Variants in STON1 observed in about 807,000 individuals in gnomAD.
STON1 encodes stonin 1, also known as stonin-1.
Under a neutral mutation model 60.9 loss-of-function variants are expected in STON1, and 79 were observed. The observed-to-expected ratio is 1.30, with a 90% CI of 1.08 to 1.56. The LOEUF is 1.56. Among genes scored for constraint, STON1 ranks in the 40% most tolerant of loss-of-function variants. STON1 has a pLI of 0.00. For missense variants in STON1, 1,166 were observed against 858.9 expected (o/e 1.36, Z -4.47); for synonymous variants, 363 against 306.9 (o/e 1.18, Z -1.91).
At chr2:48,546,597 A>G (rs148244483) in intron 1 of STON1, among the ~76,000 whole-genome samples, 271 of 152,364 alleles carry the variant, frequency 1.8e-3, no homozygotes, top group African/African-American at 6.3e-3. Context: ...CACATGAACA[A>G]AGTACTTCAG....
intron 1 of STON1, among the ~76,000 whole-genome samples, chr2:48,577,940 C>A (rs72824120): frequency 0.33 from 49,276 of 150,228 alleles, 8,127 homozygotes; most frequent in East Asian, 0.43. Context: ...AAACAAAAAA[C>A]CCCCCAGAGT....
At chr2:48,576,085 A>G (rs1233476351) in intron 1 of STON1, among the ~76,000 whole-genome samples, 1 of 149,844 alleles carries the variant, frequency 6.7e-6, no homozygotes, top group East Asian at 2.0e-4. Flanking sequence ...AGGGCCTTCC[A>G]TATTGTTCCC....
chr2:48,536,587 G>A lies in STON1; in HGVS notation c.-48+6371G>A, dbSNP rs117171759. Among the ~76,000 whole-genome samples, 119 of 149,578 alleles carry A rather than the reference G, an allele frequency of 8.0e-4. 2 individuals are homozygous for A. In the East Asian group the frequency reaches 0.021, roughly 26 times the overall value. On this transcript the variant is annotated intron_variant, in intron 1 of 3. Transcript: ENST00000404752. ...AAAAAAAAAAGTTAGAATAGTACCT[G>A]CTATATAAGGAAGAACGCAAAAATT...
chr2:48,559,105 C>T (rs1276280154), intron 1 of STON1, among the ~76,000 whole-genome samples: 4 of 152,142 alleles, frequency 2.6e-5, no homozygotes, highest in South Asian at 4.1e-4. Flanking sequence ...CACTTCTGGT[C>T]CCAAGCGTTT....
At chr2:48,570,217 C>A (rs902694523) in intron 1 of STON1, among the ~76,000 whole-genome samples, 1 of 152,140 alleles carries the variant, frequency 6.6e-6, no homozygotes, top group African/African-American at 2.4e-5. Flanking sequence ...CATCTGTAAT[C>A]TCAGCTACTC....
At chr2:48,549,159 T>C (rs1671987703) in intron 1 of STON1, among the ~76,000 whole-genome samples, 1 of 152,156 alleles carries the variant, frequency 6.6e-6, no homozygotes, top group Non-Finnish European at 1.5e-5. Flanking sequence ...CGGGAAACAA[T>C]CCCAGGCCTC....
intron 1 of STON1, among the ~76,000 whole-genome samples, chr2:48,568,336 G>A (rs1300693763): frequency 6.6e-6 from 1 of 152,132 alleles, no homozygotes; most frequent in Non-Finnish European, 1.5e-5. Context: ...CATATGACCT[G>A]GATTGCTGTT....
intron 1 of STON1, among the ~76,000 whole-genome samples, chr2:48,564,414 T>G (rs13034063): frequency 1.7e-3 from 115 of 69,620 alleles, no homozygotes; most frequent in African/African-American, 6.1e-3. Context: ...TGTCTTCTTC[T>G]TCTTCTTCTT....
At chr2:48,542,369 T>G (rs1161807335) in intron 1 of STON1, among the ~76,000 whole-genome samples, 2 of 152,218 alleles carry the variant, frequency 1.3e-5, no homozygotes, top group Admixed American at 1.3e-4. Flanking sequence ...GAATCTAAGC[T>G]TTGCCACTAA....
intron 1 of STON1, among the ~76,000 whole-genome samples, chr2:48,544,075 C>T (rs1322581594): frequency 2.0e-5 from 3 of 152,010 alleles, no homozygotes; most frequent in Non-Finnish European, 4.4e-5. Context: ...TTATCTGGGC[C>T]CTGTGGAATC....
chr2:48,582,209 C>G lies in STON1; in HGVS notation c.1576C>G (p.Leu526Val). Reference sequence around the variant, plus strand: ...CAAGACTTTGTATAATGGGGATAATCTTCCCTTTTCCTTGAAGTCTGTAGT... The same window carrying G: ...CAAGACTTTGTATAATGGGGATAATGTTCCCTTTTCCTTGAAGTCTGTAGT... ...RFKTLYNGDNLPFSLKSVVVV... is the reference protein window; with the variant it reads ...RFKTLYNGDNVPFSLKSVVVV... The change falls in exon 2 of 4, where the codon CTT (leucine) becomes GTT (valine). Residue 526 changes from leucine to valine, a missense_variant. Coordinates refer to ENST00000404752, the MANE Select transcript of STON1 (RefSeq NM_006873.4). The G allele has an allele frequency of 6.2e-7, 1 of 1,614,178 alleles. No homozygotes were observed. The highest frequency in any genetic ancestry group is 1.3e-5 in the African/African-American group (1 of 75,040).
intron 1 of STON1, among the ~76,000 whole-genome samples, chr2:48,572,956 C>T (rs551253030): frequency 4.6e-5 from 7 of 152,320 alleles, no homozygotes; most frequent in East Asian, 1.9e-4. Flanking sequence ...GGCTGCCCTC[C>T]GCTGTGTGTT....
chr2:48,589,206 C>G (rs1055899201), intron 2 of STON1, among the ~76,000 whole-genome samples: 1 of 152,160 alleles, frequency 6.6e-6, no homozygotes, highest in African/African-American at 2.4e-5. Flanking sequence ...TCTTGCTATT[C>G]TTTCCCTTCG....
At chr2:48,593,628 T>A (rs1285811167) in intron 3 of STON1, among the ~76,000 whole-genome samples, 1 of 152,228 alleles carries the variant, frequency 6.6e-6, no homozygotes, top group African/African-American at 2.4e-5. Flanking sequence ...GCCTCTCAAA[T>A]AGCATTTTAA....
At chr2:48,542,193 T>G (rs1671682861) in intron 1 of STON1, among the ~76,000 whole-genome samples, 1 of 152,234 alleles carries the variant, frequency 6.6e-6, no homozygotes, top group South Asian at 2.1e-4. Flanking sequence ...GGAATGTTGA[T>G]CCATATCAGT....
Position 48,591,815 on chromosome 2 carries a change from C to T in STON1, c.2093C>T (p.Pro698Leu), listed in dbSNP as rs956451607. 4 of 1,614,100 alleles carry T rather than the reference C, an allele frequency of 2.5e-6. No individual in the cohort carries two copies. Among genetic ancestry groups the T allele is most frequent in the Non-Finnish European group, 2.5e-6 (3 of 1,180,002 alleles). ...CTGGGAGTGGAGAGTGATGTCCAGC[C>T]ACAGAAACATGTTCAGCAGCGAGCT... ...RSLGVESDVQ[P>L]QKHVQQRACY... The change falls in exon 3 of 4, where the codon CCA becomes CTA. Residue 698 changes from proline to leucine, a missense_variant. By Grantham distance (98) the Pro-to-Leu change is moderately conservative (BLOSUM62 -3). Transcript: ENST00000404752.
rs1390168567 is a variant in STON1, at chr2:48,581,937, A to T, written c.1304A>T (p.Glu435Val). 6.2e-7 allele frequency: 1 copy of T among 1,614,056 alleles called. No homozygotes were observed. Among genetic ancestry groups the T allele is most frequent in the African/African-American group, 1.3e-5 (1 of 74,922 alleles). ...GKVTKEGKFV[E>V]SAVITQIYCL... ...GTCACAAAAGAAGGAAAATTTGTTGAAAGTGCTGTGATAACTCAAATTTAT... is the reference window on the plus strand; with the variant it reads ...GTCACAAAAGAAGGAAAATTTGTTGTAAGTGCTGTGATAACTCAAATTTAT... Residue 435 changes from glutamate to valine, a missense_variant, in exon 2 of 4, where the codon GAA becomes GTA. Transcript: ENST00000404752.
In STON1 at chr2:48,596,657, G is replaced by A. The variant is rs1478068197; in HGVS notation, c.*1355G>A. 6.6e-6 allele frequency: 1 copy of A among 151,950 alleles called. No homozygotes were observed. Among genetic ancestry groups the A allele is most frequent in the African/African-American group, 2.4e-5 (1 of 41,360 alleles). 9.4% of individuals were successfully genotyped at this position (151,950 alleles called of 1,614,324 possible). A position where few individuals can be genotyped will look rare whatever the true frequency, so the allele number is the denominator to read the frequency against. ...AACAACATTTATGTGTTGGCCTACAGAGTTTATTTCATGTGTTTTTTTTAA... is the reference window on the plus strand; with the variant it reads ...AACAACATTTATGTGTTGGCCTACAAAGTTTATTTCATGTGTTTTTTTTAA... On this transcript the variant is annotated 3_prime_UTR_variant, in exon 4 of 4. Coordinates refer to ENST00000404752, the MANE Select transcript of STON1 (RefSeq NM_006873.4).
chr2:48,568,090 G>C lies in STON1; in HGVS notation c.-47-12497G>C, dbSNP rs142364725. 3.9e-3 allele frequency among the ~76,000 whole-genome samples: 593 copies of C among 150,932 alleles called. 3 individuals are homozygous for C. The highest frequency in any genetic ancestry group is 0.013 in the African/African-American group (550 of 41,338). ...CAATTCAGCCCTCTGCTGAAGGAGA[G>C]GGTGTTCCTGAGGCTTGAGTAGGAA... On this transcript the variant is annotated intron_variant, in intron 1 of 3. Coordinates refer to ENST00000404752, the MANE Select transcript of STON1 (RefSeq NM_006873.4).
Sources: allele counts gnomAD v4.1 joint callset (sites outside exome capture counted in the v4.1 genomes callset), GRCh38; gene constraint gnomAD v4.1.1; transcripts MANE v1.5; gene names NCBI Gene and HGNC (gene_info 2026-07-23, HGNC 2026-07-21).